NHSL1: variants seen among roughly 807,000 people sequenced by gnomAD.
NHSL1 encodes the protein NHS-like protein 1.
NHSL1 carries 48 observed loss-of-function variants against 95.0 expected under a neutral mutation model. That is an observed-to-expected ratio of 0.51 (90% CI 0.40 to 0.64). NHSL1 has a LOEUF of 0.64. NHSL1 is among the 30% of genes least tolerant of loss of function. The pLI is 0.00. For missense variants in NHSL1, 1,971 were observed against 2,077.7 expected (o/e 0.95, Z 1.00); for synonymous variants, 783 against 833.9 (o/e 0.94, Z 1.05).
chr6:138,613,609 C>A lies in NHSL1; in HGVS notation c.96+78867G>T, dbSNP rs1007578321. On this transcript the variant is annotated intron_variant, in intron 1 of 3. Transcript: ENST00000491526. ...CCCATGGCCATGCCACCTGTCCAGT[C>A]CCACGTCTTGCGGATAAACGGACTG... Among the ~76,000 whole-genome samples the A allele has an allele frequency of 4.6e-5, 7 of 152,188 alleles. No individual in the cohort carries two copies. The East Asian group carries it at 1.3e-3, about 29-fold the overall frequency.
intron 1 of NHSL1, among the ~76,000 whole-genome samples, chr6:138,521,766 G>A (rs1490290182): frequency 6.6e-6 from 1 of 152,108 alleles, no homozygotes; most frequent in Admixed American, 6.5e-5. Context: ...AATTAGATGG[G>A]CAAAGTGGAA....
At chr6:138,569,891 A>C (rs1024828337) in intron 1 of NHSL1, among the ~76,000 whole-genome samples, 20 of 151,964 alleles carry the variant, frequency 1.3e-4, no homozygotes, top group East Asian at 3.8e-4. Context: ...AAAAAAAAAA[A>C]CACATAAACT....
chr6:138,649,374 T>G (rs1170674916), intron 1 of NHSL1, among the ~76,000 whole-genome samples: 3 of 151,882 alleles, frequency 2.0e-5, no homozygotes, highest in Admixed American at 6.6e-5. Flanking sequence ...GGATCTTCCT[T>G]AAATTGGACC....
Position 138,437,375 on chromosome 6 carries a change from CAT to C in NHSL1, c.665-3697_665-3696del, listed in dbSNP as rs377602478. Among the ~76,000 whole-genome samples, 47 of 36,174 alleles carry C rather than the reference CAT, an allele frequency of 1.3e-3. 2 individuals are homozygous for C. Among genetic ancestry groups the C allele is most frequent in the African/African-American group, 3.9e-3 (35 of 8,974 alleles). The allele number at this position is 36,174 out of a possible 152,430, so 23.7% of individuals were successfully genotyped here. A position where few individuals can be genotyped will look rare whatever the true frequency, so the allele number is the denominator to read the frequency against. On this transcript the variant is annotated intron_variant, in intron 5 of 7. Transcript: ENST00000343505. Reference sequence around the variant, plus strand: ...ATATATACACATATATATATATACACATATATATATACACATATATATATATA... The same window carrying C: ...ATATATACACATATATATATATACACATATATATACACATATATATATATA...
At position 138,447,106 on chromosome 6, in the gene NHSL1, T is replaced by C. The variant is rs1367182908; in HGVS notation, c.427A>G (p.Thr143Ala). The C allele has an allele frequency of 6.4e-7, 1 of 1,551,778 alleles. No individual in the cohort carries two copies. Among genetic ancestry groups the C allele is most frequent in the Admixed American group, 2.0e-5 (1 of 51,014 alleles). The change falls in exon 4 of 8, where the codon ACT (threonine) becomes GCT (alanine). Residue 143 changes from threonine to alanine, a missense_variant. This residue lies in a region of NHSL1 where 1,602 missense variants were observed against 1,654.5 expected (regional missense o/e 0.97). Transcript: ENST00000343505. ...AGCGACTTGGTCCAGTTCGTCTGAGTATTAAGGTCGGAGAAGTCACTTGAG... is the reference window on the plus strand; with the variant it reads ...AGCGACTTGGTCCAGTTCGTCTGAGCATTAAGGTCGGAGAAGTCACTTGAG... ...PASSDFSDLN[T>A]QTNWTKSLPL...
intron 1 of NHSL1, among the ~76,000 whole-genome samples, chr6:138,584,567 T>C (rs1784105645): frequency 6.6e-6 from 1 of 152,160 alleles, no homozygotes. Context: ...CTTAAAGTAA[T>C]GAACTTATTC....
chr6:138,441,298 A>G (rs937654376), intron 5 of NHSL1, among the ~76,000 whole-genome samples: 3 of 152,194 alleles, frequency 2.0e-5, no homozygotes, highest in Non-Finnish European at 4.4e-5. Context: ...CTATTAGAAA[A>G]CAGTGAGAGG....
intron 1 of NHSL1, among the ~76,000 whole-genome samples, chr6:138,580,648 A>G (rs1279707908): frequency 6.6e-6 from 1 of 152,250 alleles, no homozygotes; most frequent in Non-Finnish European, 1.5e-5. Context: ...TCCCATAGTC[A>G]GTACGTGCTG....
chr6:138,546,377 G>A (rs916471212), upstream of NHSL1, among the ~76,000 whole-genome samples: 6 of 130,522 alleles, frequency 4.6e-5, no homozygotes, highest in African/African-American at 1.7e-4. Context: ...TATCACTTGA[G>A]CCCAGGAGTT....
intron 1 of NHSL1, among the ~76,000 whole-genome samples, chr6:138,653,957 T>A (rs1003549495): frequency 6.6e-6 from 1 of 152,220 alleles, no homozygotes; most frequent in African/African-American, 2.4e-5. Context: ...AACCACAGTT[T>A]GGAAAATACA....
At chr6:138,686,600 C>T (rs6570262) in intron 1 of NHSL1, among the ~76,000 whole-genome samples, 95,660 of 152,126 alleles carry the variant, frequency 0.63, 32,910 homozygotes, top group East Asian at 0.91. Flanking sequence ...AATCACAAAA[C>T]GCCAAAATTG....
intron 3 of NHSL1, among the ~76,000 whole-genome samples, chr6:138,468,535 C>A (rs562238099): frequency 6.6e-6 from 1 of 152,324 alleles, no homozygotes; most frequent in South Asian, 2.1e-4. Context: ...CTATTGTGAA[C>A]TGTGCATGTG....
At chr6:138,501,911 A>G (rs1359235355), upstream of NHSL1, among the ~76,000 whole-genome samples, 3 of 152,224 alleles carry the variant, frequency 2.0e-5, no homozygotes, top group African/African-American at 7.2e-5. Flanking sequence ...AGTAGTTGTT[A>G]TACTGTATTG....
chr6:138,514,506 C>T lies in NHSL1; in HGVS notation c.17-18135G>A, dbSNP rs368763824. Among the ~76,000 whole-genome samples, 46 of 152,298 alleles carry T rather than the reference C, an allele frequency of 3.0e-4. No homozygotes were observed. In the South Asian group the frequency reaches 4.1e-3, roughly 14 times the overall value. On this transcript the variant is annotated intron_variant, in intron 1 of 4. Transcript: ENST00000342260. ...CACATACATATCCACGATAAAGTTT[C>T]ATTTATAAATTAGGCACAGTAAGAG...
At chr6:138,603,026 T>A (rs1349032252) in intron 1 of NHSL1, among the ~76,000 whole-genome samples, 2 of 152,078 alleles carry the variant, frequency 1.3e-5, no homozygotes, top group African/African-American at 4.8e-5. Context: ...TAAACAAAAA[T>A]TAATTCAGCT....
At chr6:138,449,228 C>A (rs187239035) in intron 3 of NHSL1, among the ~76,000 whole-genome samples, 1 of 152,076 alleles carries the variant, frequency 6.6e-6, no homozygotes, top group Non-Finnish European at 1.5e-5. Context: ...GCGATAGGGC[C>A]CTAGACTAAG....
exon 1 of NHSL1, chr6:138,572,120 G>T (rs1300010774): frequency 1.9e-6 from 1 of 539,986 alleles, no homozygotes. Flanking sequence ...AAAGAAAAAT[G>T]TTTTACCCTA....
At chr6:138,481,159 C>A (rs1257042800) in intron 2 of NHSL1, among the ~76,000 whole-genome samples, 1 of 152,082 alleles carries the variant, frequency 6.6e-6, no homozygotes. Context: ...TATTGTATAG[C>A]TAAATAATCT....
intron 1 of NHSL1, among the ~76,000 whole-genome samples, chr6:138,568,403 G>A (rs1783699887): frequency 6.6e-6 from 1 of 152,200 alleles, no homozygotes; most frequent in Non-Finnish European, 1.5e-5. Flanking sequence ...AACTTCACGT[G>A]AAAAGTTACA....
Sources: gnomAD v4.1 joint callset for allele counts (sites outside exome capture counted in the v4.1 genomes callset) on GRCh38, gnomAD v4.1.1 for gene constraint, gnomAD v4.1.1 regional missense constraint, MANE v1.5 for transcripts, NCBI Gene and HGNC (gene_info 2026-07-23, HGNC 2026-07-21) for gene names.